Variants in LRGUK observed in about 807,000 individuals in gnomAD.
LRGUK encodes the protein leucine rich repeats and guanylate kinase domain containing.
Under a neutral mutation model 76.0 loss-of-function variants are expected in LRGUK, and 65 were observed. That is an observed-to-expected ratio of 0.85 (90% CI 0.70 to 1.05). The LOEUF (loss-of-function observed/expected upper bound fraction) is 1.05. LRGUK is among the 50% of genes least tolerant of loss of function. LRGUK has a pLI of 0.00. For missense variants in LRGUK, 758 were observed against 732.8 expected (o/e 1.03, Z -0.40); for synonymous variants, 268 against 265.6 (o/e 1.01, Z -0.09).
intron 3 of LRGUK, among the ~76,000 whole-genome samples, chr7:134,142,255 A>G (rs1797797257): frequency 6.6e-6 from 1 of 152,184 alleles, no homozygotes; most frequent in Non-Finnish European, 1.5e-5. Flanking sequence ...GAAAGGACTT[A>G]CTAGTAGAGA....
exon 10 of LRGUK, chr7:134,178,535 T>C: frequency 6.2e-7 from 1 of 1,613,172 alleles, no homozygotes. Flanking sequence ...ATCCTCCCCC[T>C]GAAGTGGTTG....
At chr7:134,211,097 G>A (rs537508082), downstream of LRGUK, among the ~76,000 whole-genome samples, 2 of 152,230 alleles carry the variant, frequency 1.3e-5, no homozygotes, top group Non-Finnish European at 2.9e-5. Flanking sequence ...GTCAGCGTAG[G>A]TGGAGGGGCT....
intron 4 of LRGUK, among the ~76,000 whole-genome samples, chr7:134,146,164 C>T (rs1197691609): frequency 6.6e-6 from 1 of 151,982 alleles, no homozygotes; most frequent in Non-Finnish European, 1.5e-5. Flanking sequence ...GTCCCAGCTA[C>T]TTGGGAGGCT....
At chr7:134,161,040 T>C (rs1324829312) in intron 6 of LRGUK, among the ~76,000 whole-genome samples, 5 of 152,280 alleles carry the variant, frequency 3.3e-5, no homozygotes, top group African/African-American at 7.2e-5. Flanking sequence ...TGTCTATGCC[T>C]CACTATTCTC....
exon 14 of LRGUK, chr7:134,199,257 G>C (rs61753513): frequency 3.1e-6 from 5 of 1,613,564 alleles, no homozygotes; most frequent in Non-Finnish European, 4.2e-6. Flanking sequence ...TTTGAGCCTC[G>C]TTATATCCTG....
chr7:134,227,480 A>G (rs1273989565), intron 16 of LRGUK, among the ~76,000 whole-genome samples: 2 of 152,244 alleles, frequency 1.3e-5, no homozygotes, highest in African/African-American at 4.8e-5. Context: ...TGTCTAATGC[A>G]TAATGAAAAA....
chr7:134,272,913 C>A, the LRGUK span, among the ~76,000 whole-genome samples: 1 of 152,254 alleles, frequency 6.6e-6, no homozygotes, highest in East Asian at 1.9e-4. Flanking sequence ...TTCACAGTTT[C>A]TCCTCTCTTG....
chr7:134,232,572 C>T (rs1801928526), intron 16 of LRGUK, among the ~76,000 whole-genome samples: 1 of 152,148 alleles, frequency 6.6e-6, no homozygotes, highest in South Asian at 2.1e-4. Context: ...GCCACCGCAC[C>T]AGGCCCTTTA....
the LRGUK span, among the ~76,000 whole-genome samples, chr7:134,271,324 ATCTTTT>A: frequency 7.2e-5 from 11 of 151,892 alleles, no homozygotes; most frequent in Non-Finnish European, 1.3e-4. Context: ...AACTTTGTCA[ATCTTTT>A]TCTTTTTGAT....
At chr7:134,190,488 A>T (rs1430773504) in intron 11 of LRGUK, among the ~76,000 whole-genome samples, 6 of 152,220 alleles carry the variant, frequency 3.9e-5, no homozygotes, top group Non-Finnish European at 8.8e-5. Flanking sequence ...GATTGCAGGA[A>T]TAAGCTACTG....
chr7:134,269,476 C>T (rs1433515171), downstream of LRGUK, among the ~76,000 whole-genome samples: 1 of 151,774 alleles, frequency 6.6e-6, no homozygotes, highest in Non-Finnish European at 1.5e-5. Flanking sequence ...CCTCAGCCTC[C>T]CAACTAGCTG....
intron 14 of LRGUK, among the ~76,000 whole-genome samples, chr7:134,201,110 T>A (rs969636993): frequency 6.6e-6 from 1 of 152,234 alleles, no homozygotes; most frequent in Non-Finnish European, 1.5e-5. Context: ...CTTCTTTTTC[T>A]GCCAACAGCT....
At chr7:134,162,341 A>T (rs1233516758) in intron 6 of LRGUK, among the ~76,000 whole-genome samples, 1 of 152,108 alleles carries the variant, frequency 6.6e-6, no homozygotes, top group East Asian at 1.9e-4. Flanking sequence ...CCCATGTGAC[A>T]TTTCCTTTTC....
intron 16 of LRGUK, among the ~76,000 whole-genome samples, chr7:134,232,272 T>G (rs1801919173): frequency 6.6e-6 from 1 of 150,752 alleles, no homozygotes; most frequent in South Asian, 2.1e-4. Context: ...TACTGACAGT[T>G]GTTTTTAATT....
At chr7:134,215,251 A>G (rs528147016), downstream of LRGUK, among the ~76,000 whole-genome samples, 1 of 151,972 alleles carries the variant, frequency 6.6e-6, no homozygotes, top group Non-Finnish European at 1.5e-5. Flanking sequence ...CACCTTTACT[A>G]TGGTGATAGA....
intron 16 of LRGUK, among the ~76,000 whole-genome samples, chr7:134,237,926 C>T (rs1223913237): frequency 3.3e-5 from 5 of 152,142 alleles, no homozygotes; most frequent in African/African-American, 9.7e-5. Context: ...GATACAATCT[C>T]CCATTAAATT....
chr7:134,272,601 TAA>T, the LRGUK span, among the ~76,000 whole-genome samples: 1 of 152,190 alleles, frequency 6.6e-6, no homozygotes, highest in Non-Finnish European at 1.5e-5. Flanking sequence ...CCTTTTACAT[TAA>T]GTCAGGTACA....
intron 19 of LRGUK, among the ~76,000 whole-genome samples, chr7:134,259,767 C>T (rs1802672854): frequency 6.6e-6 from 1 of 152,024 alleles, no homozygotes; most frequent in South Asian, 2.1e-4. Context: ...CATGTCAGCT[C>T]GCAGGAAGTG....
intron 1 of LRGUK, among the ~76,000 whole-genome samples, chr7:134,130,448 C>G (rs570668711): frequency 4.6e-5 from 7 of 152,276 alleles, no homozygotes; most frequent in Admixed American, 1.3e-4. Context: ...ACTAGCTATT[C>G]CTTTTTGGCT....
Sources: gnomAD v4.1 joint callset for allele counts (sites outside exome capture counted in the v4.1 genomes callset) on GRCh38, gnomAD v4.1.1 for gene constraint, MANE v1.5 for transcripts, NCBI Gene and HGNC (gene_info 2026-07-23, HGNC 2026-07-21) for gene names.